Variants in SV2C observed in about 807,000 individuals in gnomAD.
SV2C encodes the protein solute carrier family 22 member B3.
In SV2C, 49 loss-of-function variants were observed where a neutral mutation model predicts 79.7. The observed-to-expected ratio is 0.61, with a 90% CI of 0.49 to 0.78. The LOEUF is 0.78. SV2C is among the 30% of genes least tolerant of loss of function. SV2C has a pLI of 0.00. For missense variants in SV2C, 833 were observed against 912.9 expected, an observed-to-expected ratio of 0.91 and a Z score of 1.13; for synonymous variants, 334 against 333.2, an observed-to-expected ratio of 1.00 and a Z score of -0.03.
the SV2C span, among the ~76,000 whole-genome samples, chr5:75,950,101 A>G: frequency 6.6e-6 from 1 of 152,042 alleles, no homozygotes; most frequent in African/African-American, 2.4e-5. Flanking sequence ...GTTCAGCTAG[A>G]ACTGAGCCCT....
At chr5:76,301,646 T>C in intron 12 of SV2C, 101 bp downstream of exon 12, 6 of 1,406,230 alleles carry the variant, frequency 4.3e-6, no homozygotes, top group Non-Finnish European at 5.8e-6. Flanking sequence ...CGGTAGCTTA[T>C]GCCTGTAATC....
At chr5:76,341,891 C>A (rs974786925) in intron 12 of SV2C, among the ~76,000 whole-genome samples, 1 of 152,148 alleles carries the variant, frequency 6.6e-6, no homozygotes, top group Non-Finnish European at 1.5e-5. Context: ...CTTGGCATTG[C>A]CTAACTCTCA....
At chr5:75,901,752 T>C in the SV2C span, among the ~76,000 whole-genome samples, 4 of 152,262 alleles carry the variant, frequency 2.6e-5, no homozygotes, top group Admixed American at 2.6e-4. Flanking sequence ...CAGTTGGAGC[T>C]TCCCGGCTCC....
At chr5:75,941,607 A>G in the SV2C span, among the ~76,000 whole-genome samples, 1 of 152,184 alleles carries the variant, frequency 6.6e-6, no homozygotes, top group Non-Finnish European at 1.5e-5. Context: ...TACCTATGAT[A>G]TTATGATACA....
At chr5:76,174,146 C>A (rs757363055) in intron 2 of SV2C, 1 of 1,612,200 alleles carries the variant, frequency 6.2e-7, no homozygotes, top group South Asian at 1.1e-5. Context: ...CTTTCCAACG[C>A]CTCGTGAGCC....
intron 2 of SV2C, among the ~76,000 whole-genome samples, chr5:76,172,974 C>T (rs1392806634): frequency 1.6e-5 from 2 of 126,584 alleles, no homozygotes; most frequent in Admixed American, 7.9e-5. Context: ...TATCTGCTGA[C>T]CTTCCCTCCA....
At chr5:76,071,754 A>G in the SV2C span, among the ~76,000 whole-genome samples, 128 of 152,352 alleles carry the variant, frequency 8.4e-4, 1 homozygote, top group African/African-American at 3.0e-3. Flanking sequence ...TATTATTAAA[A>G]TAGAAAAGCT....
At chr5:76,013,272 CTT>C in the SV2C span, among the ~76,000 whole-genome samples, 2 of 152,092 alleles carry the variant, frequency 1.3e-5, no homozygotes, top group African/African-American at 2.4e-5. Context: ...TGTGTCCTCT[CTT>C]ATTTCTTTGA....
the SV2C span, among the ~76,000 whole-genome samples, chr5:75,939,555 G>A: frequency 3.9e-5 from 6 of 152,110 alleles, no homozygotes; most frequent in South Asian, 6.2e-4. Context: ...GACACAATTC[G>A]GTCCAAAGCA....
the SV2C span, among the ~76,000 whole-genome samples, chr5:75,879,566 G>T: frequency 2.0e-5 from 3 of 152,194 alleles, no homozygotes; most frequent in Admixed American, 6.5e-5. Flanking sequence ...GGTGCAAGAG[G>T]TGGGCTCCCA....
At chr5:75,957,660 T>C in the SV2C span, among the ~76,000 whole-genome samples, 1 of 152,070 alleles carries the variant, frequency 6.6e-6, no homozygotes, top group African/African-American at 2.4e-5. Context: ...GACATCATGT[T>C]AATTAAATCT....
intron 1 of SV2C, among the ~76,000 whole-genome samples, chr5:76,086,524 G>A (rs1398423612): frequency 6.6e-6 from 1 of 152,212 alleles, no homozygotes; most frequent in Non-Finnish European, 1.5e-5. Context: ...TTGGTTCCAT[G>A]TTGGTGAGGT....
At chr5:75,892,757 C>T in the SV2C span, among the ~76,000 whole-genome samples, 3 of 152,098 alleles carry the variant, frequency 2.0e-5, no homozygotes, top group African/African-American at 7.2e-5. Context: ...CTGCAAAAGA[C>T]ATGATTTTAT....
At chr5:76,039,882 C>G in the SV2C span, among the ~76,000 whole-genome samples, 6 of 151,968 alleles carry the variant, frequency 3.9e-5, no homozygotes, top group African/African-American at 1.2e-4. Context: ...TGGATAGATG[C>G]CCAATCTTCT....
intron 12 of SV2C, among the ~76,000 whole-genome samples, chr5:76,304,353 T>G (rs1297269590): frequency 6.6e-6 from 1 of 152,198 alleles, no homozygotes; most frequent in African/African-American, 2.4e-5. Flanking sequence ...CTTCCACCAT[T>G]TCCATGTTTC....
intron 4 of SV2C, among the ~76,000 whole-genome samples, chr5:76,281,629 A>G (rs1262307569): frequency 6.6e-6 from 1 of 152,184 alleles, no homozygotes; most frequent in African/African-American, 2.4e-5. Context: ...GGGCTTCTAG[A>G]GTCTCCTTCT....
intron 3 of SV2C, among the ~76,000 whole-genome samples, chr5:76,207,509 T>C (rs1324923332): frequency 6.6e-6 from 1 of 152,254 alleles, no homozygotes; most frequent in African/African-American, 2.4e-5. Context: ...TATAATCTGT[T>C]CAAAATATTG....
At chr5:76,313,860 A>T (rs912390729) in intron 12 of SV2C, among the ~76,000 whole-genome samples, 1 of 152,168 alleles carries the variant, frequency 6.6e-6, no homozygotes, top group Non-Finnish European at 1.5e-5. Flanking sequence ...TGAAAAAATC[A>T]TCTCCGTGGT....
intron 4 of SV2C, among the ~76,000 whole-genome samples, chr5:76,254,186 G>A (rs1346338317): frequency 6.7e-6 from 1 of 150,178 alleles, no homozygotes; most frequent in Non-Finnish European, 1.5e-5. Flanking sequence ...ATATATGTGT[G>A]TGTGTATATA....
Sources: gnomAD v4.1 joint callset for allele counts (sites outside exome capture counted in the v4.1 genomes callset) on GRCh38, gnomAD v4.1.1 for gene constraint, MANE v1.5 for transcripts, NCBI Gene and HGNC (gene_info 2026-07-23, HGNC 2026-07-21) for gene names.